The following TTC3 variants were observed in gnomAD, a reference collection of about 807,000 sequenced individuals.
The protein encoded by TTC3 is E3 ubiquitin-protein ligase TTC3.
Under a neutral mutation model 249.6 loss-of-function variants are expected in TTC3, and 180 were observed. The ratio of observed to expected loss-of-function variants is 0.72; its 90% CI spans 0.64 to 0.82. The LOEUF is 0.82. TTC3 is among the 40% of genes least tolerant of loss of function. The probability of loss-of-function intolerance (pLI) is 0.00; values close to 1 mark genes in which losing one functional copy is unlikely to be tolerated. For synonymous variants in TTC3, 717 were observed against 805.0 expected (o/e 0.89, Z 1.85); for missense variants, 2,061 against 2,398.4 (o/e 0.86, Z 2.94).
chr21:37,193,239 G>GA (rs5843813), intron 41 of TTC3, among the ~76,000 whole-genome samples: 1 of 152,182 alleles, frequency 6.6e-6, no homozygotes, highest in Non-Finnish European at 1.5e-5. Flanking sequence ...CCCGTCAGGC[G>GA]TGCCCTCTTT....
intron 15 of TTC3, among the ~76,000 whole-genome samples, chr21:37,128,559 C>G (rs956261045): frequency 2.0e-5 from 3 of 152,214 alleles, no homozygotes; most frequent in Non-Finnish European, 4.4e-5. Flanking sequence ...TAACATTTTT[C>G]TCAGCCACTC....
chr21:37,170,484 T>TAG (rs2081664769), intron 34 of TTC3, among the ~76,000 whole-genome samples: 1 of 152,212 alleles, frequency 6.6e-6, no homozygotes, highest in African/African-American at 2.4e-5. Context: ...CATATATGTA[T>TAG]AGAGAGACCA....
intron 31 of TTC3, among the ~76,000 whole-genome samples, chr21:37,163,352 A>T (rs556045210): frequency 6.6e-6 from 1 of 151,228 alleles, no homozygotes; most frequent in South Asian, 2.1e-4. Context: ...TCTTACATTT[A>T]AAAAAAACTT....
At chr21:37,187,061 A>C in exon 38 of TTC3, 1 of 1,544,012 alleles carries the variant, frequency 6.5e-7, no homozygotes, top group Non-Finnish European at 8.7e-7. Flanking sequence ...ACACACTTAC[A>C]AATGAGAAAA....
At chr21:37,109,980 A>G (rs2075496340) in intron 11 of TTC3, among the ~76,000 whole-genome samples, 1 of 152,200 alleles carries the variant, frequency 6.6e-6, no homozygotes. Context: ...GTAAACTCCA[A>G]CAGACCTGCA....
At chr21:37,103,110 A>G (rs889404949) in intron 10 of TTC3, among the ~76,000 whole-genome samples, 2 of 152,324 alleles carry the variant, frequency 1.3e-5, no homozygotes, top group Non-Finnish European at 2.9e-5. Flanking sequence ...GATGTTAGCC[A>G]AGGGTGGGGA....
intron 1 of TTC3, chr21:37,086,290 A>G (rs180795140): frequency 1.3e-5 from 2 of 152,314 alleles, no homozygotes; most frequent in Admixed American, 1.3e-4. Context: ...AGGTACAAGT[A>G]ATAGTGTTTA....
At chr21:37,193,797 C>T (rs2084510605) in intron 41 of TTC3, 1 of 152,240 alleles carries the variant, frequency 6.6e-6, no homozygotes, top group Non-Finnish European at 1.5e-5. Flanking sequence ...AGACTTTAAA[C>T]CCATTGTTAC....
At position 37,123,180 on chromosome 21, in the gene TTC3, G is replaced by C; in HGVS notation, c.1109+152G>C. 7 of 749,256 alleles carry C rather than the reference G, an allele frequency of 9.3e-6. 1 individual carries two copies. The highest frequency in any genetic ancestry group is 1.6e-5 in the Non-Finnish European group (7 of 448,620). The allele number at this position is 749,256 out of a possible 1,614,324, so 46.4% of individuals were successfully genotyped here. ...GAGAGGTAGTTTTTTAAGTGTCCGT[G>C]TTATCAGGTGACCTGTAAGTTGTCA... On this transcript the variant is annotated intron_variant, in intron 13 of 45. Transcript: ENST00000355666.
chr21:37,133,971 A>G (rs2077697313), intron 17 of TTC3, among the ~76,000 whole-genome samples: 1 of 152,244 alleles, frequency 6.6e-6, no homozygotes, highest in Non-Finnish European at 1.5e-5. Flanking sequence ...GAACAAGATT[A>G]AAATTGAATG....
At chr21:37,122,440 T>TATATATATA (rs2076693266) in intron 12 of TTC3, among the ~76,000 whole-genome samples, 1 of 23,100 alleles carries the variant, frequency 4.3e-5, no homozygotes, top group African/African-American at 1.8e-4. Flanking sequence ...ATATATATTA[T>TATATATATA]ATATATATAT....
chr21:37,167,679 G>A, intron 34 of TTC3, 59 bp downstream of exon 34: 1 of 1,345,244 alleles, frequency 7.4e-7, no homozygotes, highest in Non-Finnish European at 1.0e-6. Flanking sequence ...TTATCTAGAT[G>A]GAATGATGAA....
chr21:37,126,405 A>AT lies in TTC3; in HGVS notation c.1297+270dup, dbSNP rs556469598. Among the ~76,000 whole-genome samples, 53 of 152,044 alleles carry AT rather than the reference A, an allele frequency of 3.5e-4. No homozygotes were observed. In the South Asian group the frequency reaches 6.0e-3, roughly 17 times the overall value. On this transcript the variant is annotated intron_variant, in intron 15 of 45. Transcript: ENST00000355666. ...ATAGCTCTTTTTGGTCTGCTTCTTA[A>AT]TTTTTTTTAGGCTGTTGTTTCTCAT... is the stretch of plus-strand genomic sequence containing the variant.
At chr21:37,162,800 A>G (rs143722090) in intron 31 of TTC3, among the ~76,000 whole-genome samples, 897 of 65,638 alleles carry the variant, frequency 0.014, 6 homozygotes, top group African/African-American at 0.05. Flanking sequence ...TATTTCTCAC[A>G]GTTCTGGAGG....
chr21:37,151,781 C>T (rs903351843), intron 25 of TTC3, 112 bp from the exon 26 acceptor site: 12 of 1,210,308 alleles, frequency 9.9e-6, no homozygotes, highest in Admixed American at 6.9e-5. Context: ...AGATGTAGGC[C>T]GGGCTCTGAT....
rs141882602 is a variant in TTC3, at chr21:37,158,726, A to G, written c.2993-973A>G. Among the ~76,000 whole-genome samples the G allele has an allele frequency of 1.5e-3, 222 of 152,296 alleles. 2 individuals are homozygous for G. The highest frequency in any genetic ancestry group is 4.9e-3 in the African/African-American group (203 of 41,550). Reference sequence around the variant, plus strand: ...GTTTTTCCTCAATTTATCTCAGTCAATAATATTGTATATCTAGTATTTAAA... The same window carrying G: ...GTTTTTCCTCAATTTATCTCAGTCAGTAATATTGTATATCTAGTATTTAAA... On this transcript the variant is annotated intron_variant, in intron 28 of 45. Transcript: ENST00000355666.
intron 21 of TTC3, among the ~76,000 whole-genome samples, chr21:37,145,488 G>C (rs2078904546): frequency 6.6e-6 from 1 of 152,200 alleles, no homozygotes; most frequent in Admixed American, 6.5e-5. Context: ...ATATTGGCAA[G>C]GGTGTAGAAA....
intron 33 of TTC3, among the ~76,000 whole-genome samples, chr21:37,167,345 T>C (rs1296312384): frequency 1.3e-5 from 2 of 152,088 alleles, no homozygotes; most frequent in Non-Finnish European, 2.9e-5. Flanking sequence ...AAAAAATAGG[T>C]TAAGAGCAAT....
At chr21:37,095,025 A>G (rs1211424948) in intron 8 of TTC3, among the ~76,000 whole-genome samples, 2 of 151,998 alleles carry the variant, frequency 1.3e-5, no homozygotes, top group African/African-American at 4.8e-5. Context: ...AGTCCTAGCT[A>G]CTTGGGAGAC....
Sources: allele counts gnomAD v4.1 joint callset (sites outside exome capture counted in the v4.1 genomes callset), GRCh38; gene constraint gnomAD v4.1.1; transcripts MANE v1.5; gene names NCBI Gene and HGNC (gene_info 2026-07-23, HGNC 2026-07-21).